CTNNA1: variants seen among roughly 807,000 people sequenced by gnomAD.
CTNNA1 encodes the protein catenin alpha 1.
A neutral mutation model predicts 98.4 loss-of-function variants in CTNNA1; 37 were observed. The observed-to-expected ratio is 0.38, with a 90% CI of 0.29 to 0.49. The LOEUF is 0.49. Ranked by LOEUF, CTNNA1 falls within the 20% of genes least tolerant of loss-of-function variation. The pLI is 0.95. For synonymous variants in CTNNA1, 404 were observed against 413.2 expected, an observed-to-expected ratio of 0.98 and a Z score of 0.27; for missense variants, 761 against 1,147.2, an observed-to-expected ratio of 0.66 and a Z score of 4.86.
intron 9 of CTNNA1, among the ~76,000 whole-genome samples, chr5:138,887,995 C>T (rs910341385): frequency 6.6e-6 from 1 of 152,232 alleles, no homozygotes; most frequent in Non-Finnish European, 1.5e-5. Context: ...TGCATCCTGA[C>T]AAGCTAACCT....
At chr5:138,927,296 T>C (rs994676659) in intron 13 of CTNNA1, among the ~76,000 whole-genome samples, 1 of 152,228 alleles carries the variant, frequency 6.6e-6, no homozygotes, top group African/African-American at 2.4e-5. Flanking sequence ...CTTCTGGGAC[T>C]GGAACCTGTC....
chr5:138,782,116 C>G lies in CTNNA1; in HGVS notation c.105+87C>G, dbSNP rs566428389. On this transcript the variant is annotated intron_variant, in intron 2 of 17. Transcript: ENST00000302763. ...ACCATAAGAGCAAGGTTATTTAGTTCAAAGCCTTAATTCCAGTACTTGAGT... is the reference window on the plus strand; with the variant it reads ...ACCATAAGAGCAAGGTTATTTAGTTGAAAGCCTTAATTCCAGTACTTGAGT... 2.6e-5 allele frequency: 33 copies of G among 1,282,864 alleles called. 1 individual carries two copies. The South Asian group carries it at 4.3e-4, about 17-fold the overall frequency. 79.5% of individuals were successfully genotyped at this position (1,282,864 alleles called of 1,614,324 possible).
At chr5:138,844,752 C>A (rs551437338) in intron 7 of CTNNA1, among the ~76,000 whole-genome samples, 4 of 151,996 alleles carry the variant, frequency 2.6e-5, no homozygotes, top group Admixed American at 6.6e-5. Flanking sequence ...TTATAAAGCA[C>A]TAGAGCAAGT....
chr5:138,866,360 G>A (rs1444132434), intron 7 of CTNNA1, among the ~76,000 whole-genome samples: 1 of 151,194 alleles, frequency 6.6e-6, no homozygotes, highest in African/African-American at 2.4e-5. Flanking sequence ...AAAGATGGAA[G>A]TCTTATGCTC....
At chr5:138,932,178 T>A (rs931175155) in intron 16 of CTNNA1, 1 of 1,008,462 alleles carries the variant, frequency 9.9e-7, no homozygotes, top group African/African-American at 1.7e-5. Context: ...TCTGGACTTT[T>A]CTCCATAGCC....
intron 9 of CTNNA1, among the ~76,000 whole-genome samples, chr5:138,892,328 G>GT (rs70982738): frequency 0.035 from 2,793 of 79,216 alleles, 740 homozygotes; most frequent in East Asian, 0.22. Context: ...AAATAGCTTA[G>GT]TTTTTTTTTT....
Position 138,874,926 on chromosome 5 carries a change from T to G in CTNNA1, c.1063-11286T>G. Reference sequence around the variant, plus strand: ...GACTTACCCATTCTTCTGAGCACATTGGAGGCTGCATTCAGTCGCGGTTGT... The same window carrying G: ...GACTTACCCATTCTTCTGAGCACATGGGAGGCTGCATTCAGTCGCGGTTGT... On this transcript the variant is annotated intron_variant, in intron 7 of 17. Transcript: ENST00000302763. The surrounding 1 kb of genome is among the most constrained non-coding windows in gnomAD (Gnocchi z 4.1). 6.2e-7 allele frequency: 1 copy of G among 1,613,698 alleles called. No individual in the cohort carries two copies. The highest frequency in any genetic ancestry group is 8.5e-7 in the Non-Finnish European group (1 of 1,179,756).
In CTNNA1 at chr5:138,838,972, T is replaced by TCC. The variant is rs1251571261; in HGVS notation, c.1062+11255_1062+11256dup. Reference sequence around the variant, plus strand: ...TTCAGTTCAAGATATTTTAAAATTTTCCTCGAGTCTTCTTCTTTGATCACT... The same window carrying TCC: ...TTCAGTTCAAGATATTTTAAAATTTTCCCCTCGAGTCTTCTTCTTTGATCACT... On this transcript the variant is annotated intron_variant, in intron 7 of 17. Coordinates refer to ENST00000302763, the MANE Select transcript of CTNNA1 (RefSeq NM_001903.5). 3.6e-3 allele frequency among the ~76,000 whole-genome samples: 541 copies of TCC among 152,162 alleles called. 2 individuals are homozygous for TCC. Among genetic ancestry groups the TCC allele is most frequent in the Non-Finnish European group, 5.9e-3 (404 of 67,990 alleles).
chr5:138,874,843 G>A lies in CTNNA1; in HGVS notation c.1063-11369G>A, dbSNP rs1021225932. ...GATTTCCCTCATAAAATGTGAATTC[G>A]GTAGCTTATTTTAAAAGCGTGATTC... On this transcript the variant is annotated intron_variant, in intron 7 of 17. Transcript: ENST00000302763. This position sits in a 1 kb window ranked among gnomAD's most constrained non-coding sequence, Gnocchi z 4.1. 5.1e-5 allele frequency: 75 copies of A among 1,460,214 alleles called. 1 individual carries two copies. The highest frequency in any genetic ancestry group is 6.6e-5 in the Non-Finnish European group (69 of 1,051,624). 90.5% of individuals were successfully genotyped at this position (1,460,214 alleles called of 1,614,324 possible).
intron 7 of CTNNA1, among the ~76,000 whole-genome samples, chr5:138,846,556 A>G (rs1762744467): frequency 6.6e-6 from 1 of 152,142 alleles, no homozygotes; most frequent in South Asian, 2.1e-4. Flanking sequence ...AGTAAAGAGT[A>G]TTTTTCCCAT....
intron 7 of CTNNA1, chr5:138,827,919 A>G (rs928478516): frequency 1.7e-6 from 1 of 603,830 alleles, no homozygotes; most frequent in South Asian, 2.0e-5. Context: ...GAAATTTTCA[A>G]CTTATAAAAA....
At chr5:138,759,947 T>A (rs1468864408) in intron 1 of CTNNA1, among the ~76,000 whole-genome samples, 1 of 151,666 alleles carries the variant, frequency 6.6e-6, no homozygotes, top group Admixed American at 6.6e-5. Flanking sequence ...TCTGCTGTTT[T>A]AGAATCTGGA....
At chr5:138,840,453 C>T (rs1762179250) in intron 7 of CTNNA1, among the ~76,000 whole-genome samples, 1 of 152,136 alleles carries the variant, frequency 6.6e-6, no homozygotes, top group Admixed American at 6.5e-5. Flanking sequence ...AATGTATGTG[C>T]AAATGTGCAA....
chr5:138,792,330 T>C (rs1357779974), intron 3 of CTNNA1, among the ~76,000 whole-genome samples: 1 of 152,222 alleles, frequency 6.6e-6, no homozygotes, highest in Non-Finnish European at 1.5e-5. Context: ...CATGATTTTC[T>C]CCCTGGCAAC....
At chr5:138,858,553 C>G (rs1763939582) in intron 7 of CTNNA1, among the ~76,000 whole-genome samples, 1 of 150,088 alleles carries the variant, frequency 6.7e-6, no homozygotes, top group Non-Finnish European at 1.5e-5. Flanking sequence ...TATGTAATAC[C>G]CTTTTAGTTG....
Position 138,934,506 on chromosome 5 carries a change from G to A in CTNNA1, c.*417G>A. ...TTTTAAATGACCAAAGATGACCTGT[G>A]GTAAGCAACCTGGGCATCTTAGGAA... On this transcript the variant is annotated 3_prime_UTR_variant, in exon 18 of 18. Transcript: ENST00000302763. 1 of 164,780 alleles carries A rather than the reference G, an allele frequency of 6.1e-6. No individual in the cohort carries two copies. The highest frequency in any genetic ancestry group is 6.0e-5 in the Admixed American group (1 of 16,800). 10.2% of individuals were successfully genotyped at this position (164,780 alleles called of 1,614,324 possible).
At position 138,812,167 on chromosome 5, in the gene CTNNA1, C is replaced by G. The variant is rs370088383; in HGVS notation, c.469-16C>G. ...ATTCAGAATTTTTGGGTTTTGGGGT[C>G]TTTCTTATTTTATAGGTGGAAGATG... On this transcript the variant is annotated splice_polypyrimidine_tract_variant and intron_variant, in intron 4 of 17. Transcript: ENST00000302763. The G allele has an allele frequency of 2.1e-5, 34 of 1,607,130 alleles. No individual in the cohort carries two copies. The highest frequency in any genetic ancestry group is 2.7e-5 in the Non-Finnish European group (32 of 1,177,944).
rs1357868708 is a variant in CTNNA1 at position 138,934,674 on chromosome 5, G to A, written c.*585G>A. ...TGCATTGTTATAATTACTAATGTAC[G>A]CTGCTGCAGGACATTAATAAAGTTG... is the stretch of plus-strand genomic sequence containing the variant. On this transcript the variant is annotated 3_prime_UTR_variant, in exon 18 of 18. Coordinates refer to ENST00000302763, the MANE Select transcript of CTNNA1 (RefSeq NM_001903.5). 3 of 152,860 alleles carry A rather than the reference G, an allele frequency of 2.0e-5. No homozygotes were observed. The highest frequency in any genetic ancestry group is 6.5e-5 in the Admixed American group (1 of 15,286). The allele number at this position is 152,860 out of a possible 1,614,324, so 9.5% of individuals were successfully genotyped here.
intron 7 of CTNNA1, among the ~76,000 whole-genome samples, chr5:138,882,940 T>C (rs906379616): frequency 3.3e-5 from 5 of 152,242 alleles, no homozygotes; most frequent in Non-Finnish European, 7.3e-5. Context: ...GGGATTCTCC[T>C]GTCTCAGCCT....
Sources: gnomAD v4.1 joint callset for allele counts (sites outside exome capture counted in the v4.1 genomes callset) on GRCh38, gnomAD v4.1.1 for gene constraint, Gnocchi (gnomAD v3.1) non-coding constraint, MANE v1.5 for transcripts, NCBI Gene and HGNC (gene_info 2026-07-23, HGNC 2026-07-21) for gene names.